The following CHRNA7 variants were observed in gnomAD, a reference collection of about 807,000 sequenced individuals.
CHRNA7 encodes neuronal acetylcholine receptor subunit alpha-7.
A neutral mutation model predicts 48.0 loss-of-function variants in CHRNA7; 17 were observed. The observed-to-expected ratio is 0.35, with a 90% CI of 0.24 to 0.53. CHRNA7 has a LOEUF of 0.53. Ranked by LOEUF, CHRNA7 falls within the 20% of genes least tolerant of loss-of-function variation. The probability of loss-of-function intolerance (pLI) is 0.92; values close to 1 mark genes in which losing one functional copy is unlikely to be tolerated. For missense variants in CHRNA7, 155 were observed against 577.7 expected, an observed-to-expected ratio of 0.27 and a Z score of 7.50; for synonymous variants, 75 against 242.3, an observed-to-expected ratio of 0.31 and a Z score of 6.41.
intron 4 of CHRNA7, chr15:32,112,224 C>A (rs1025706044): frequency 1.4e-5 from 7 of 490,690 alleles, no homozygotes; most frequent in Non-Finnish European, 2.4e-5. Flanking sequence ...TACCTTTGTT[C>A]TCTGAATGGC....
At chr15:32,126,297 T>A (rs2051065420) in intron 4 of CHRNA7, among the ~76,000 whole-genome samples, 1 of 152,216 alleles carries the variant, frequency 6.6e-6, no homozygotes, top group African/African-American at 2.4e-5. Flanking sequence ...GTTTTGTCCC[T>A]ACCAGTGGGT....
chr15:32,046,007 T>C (rs1467549419), intron 2 of CHRNA7, among the ~76,000 whole-genome samples: 1 of 151,474 alleles, frequency 6.6e-6, no homozygotes, highest in Non-Finnish European at 1.5e-5. Flanking sequence ...CTCATCATTT[T>C]TTATGGCTGC....
chr15:32,108,464 C>G (rs1365053243), intron 3 of CHRNA7, among the ~76,000 whole-genome samples: 4 of 152,196 alleles, frequency 2.6e-5, no homozygotes, highest in Non-Finnish European at 4.4e-5. Flanking sequence ...CCCCCTGTTC[C>G]CGAGGGACCT....
intron 6 of CHRNA7, 124 bp from the exon 7 acceptor site, chr15:32,158,288 C>CTTT: frequency 3.4e-5 from 25 of 743,390 alleles, no homozygotes; most frequent in Non-Finnish European, 4.3e-5. Context: ...ACAACCCCCC[C>CTTT]CTTTTTTTTT....
chr15:32,053,464 C>A (rs1595390803), intron 2 of CHRNA7, among the ~76,000 whole-genome samples: 1 of 152,116 alleles, frequency 6.6e-6, no homozygotes, highest in Admixed American at 6.5e-5. Flanking sequence ...CAGTGATTTC[C>A]TTATTCAGTT....
chr15:32,125,258 T>G (rs186011485), intron 4 of CHRNA7, among the ~76,000 whole-genome samples: 1 of 152,244 alleles, frequency 6.6e-6, no homozygotes, highest in Non-Finnish European at 1.5e-5. Context: ...CAGACCTCAT[T>G]TACACTCATG....
intron 4 of CHRNA7, 76 bp downstream of exon 4, chr15:32,111,975 C>T: frequency 1.1e-6 from 1 of 915,210 alleles, no homozygotes; most frequent in East Asian, 2.4e-5. Context: ...TTGAATATTT[C>T]ACAGAGATGC....
chr15:32,138,856 C>T (rs796075379), intron 4 of CHRNA7, among the ~76,000 whole-genome samples: 16 of 152,204 alleles, frequency 1.1e-4, no homozygotes, highest in African/African-American at 3.1e-4. Context: ...CGGGTTCAAG[C>T]GATTCTCCCA....
chr15:32,107,042 G>A (rs913698054), intron 3 of CHRNA7, among the ~76,000 whole-genome samples: 3 of 152,100 alleles, frequency 2.0e-5, no homozygotes, highest in African/African-American at 4.8e-5. Flanking sequence ...AGAAGAAAGC[G>A]TCAGGGTCAG....
chr15:32,162,004 A>G (rs1256499963), intron 8 of CHRNA7: 2 of 118,272 alleles, frequency 1.7e-5, no homozygotes, highest in Non-Finnish European at 1.7e-5. Context: ...AAACTCAGGG[A>G]AACATTTTAC....
intron 2 of CHRNA7, among the ~76,000 whole-genome samples, chr15:32,093,336 C>T (rs2050413102): frequency 6.6e-6 from 1 of 152,168 alleles, no homozygotes; most frequent in Admixed American, 6.5e-5. Context: ...ATAGGGGGCC[C>T]TTTCTCATAG....
chr15:32,051,847 T>G (rs2141189457), intron 2 of CHRNA7, among the ~76,000 whole-genome samples: 1 of 152,288 alleles, frequency 6.6e-6, no homozygotes, highest in Non-Finnish European at 1.5e-5. Flanking sequence ...TGGCTGATTT[T>G]TGTATTTTTA....
At chr15:32,144,166 C>T (rs2051439009) in intron 4 of CHRNA7, among the ~76,000 whole-genome samples, 1 of 152,080 alleles carries the variant, frequency 6.6e-6, no homozygotes, top group Admixed American at 6.6e-5. Context: ...TTTATTTCTC[C>T]TTCACTTATG....
At chr15:32,152,255 C>G (rs1173018589) in intron 4 of CHRNA7, among the ~76,000 whole-genome samples, 1 of 152,110 alleles carries the variant, frequency 6.6e-6, no homozygotes, top group Non-Finnish European at 1.5e-5. Flanking sequence ...CCAGCCTAAC[C>G]AACATGGTGA....
In CHRNA7 at chr15:32,104,342, T is replaced by A. The variant is rs568668776; in HGVS notation, c.240+2995T>A. On this transcript the variant is annotated intron_variant, in intron 3 of 9. Transcript: ENST00000306901. The stretch of plus-strand genomic sequence containing the variant: ...AGACTCGTCCCTAAGAACCACTTGA[T>A]TTCCCCCTTACTTCTCACTGATCTC... 1.5e-3 allele frequency among the ~76,000 whole-genome samples: 225 copies of A among 152,198 alleles called. 1 individual carries two copies. Among genetic ancestry groups the A allele is most frequent in the Middle Eastern group, 3.4e-3 (1 of 294 alleles).
intron 2 of CHRNA7, among the ~76,000 whole-genome samples, chr15:32,093,255 C>T (rs2050411712): frequency 6.6e-6 from 1 of 152,212 alleles, no homozygotes; most frequent in South Asian, 2.1e-4. Flanking sequence ...TCGATTCCTT[C>T]TCTGTTAGGG....
chr15:32,074,712 T>C (rs1244716247), intron 2 of CHRNA7, among the ~76,000 whole-genome samples: 2 of 151,678 alleles, frequency 1.3e-5, no homozygotes, highest in South Asian at 2.1e-4. Context: ...TGGAGTGCAG[T>C]GGCATGATCT....
chr15:32,141,170 A>G (rs1172507059), intron 4 of CHRNA7, among the ~76,000 whole-genome samples: 1 of 152,230 alleles, frequency 6.6e-6, no homozygotes, highest in African/African-American at 2.4e-5. Context: ...ACTATTTATT[A>G]AACAGGAAAT....
At chr15:32,153,259 A>C (rs1481999527) in intron 4 of CHRNA7, 1 of 151,856 alleles carries the variant, frequency 6.6e-6, no homozygotes, top group Admixed American at 6.6e-5. Flanking sequence ...GTCTCTACTA[A>C]AAATACAAAA....
Sources: allele counts gnomAD v4.1 joint callset (sites outside exome capture counted in the v4.1 genomes callset), GRCh38; gene constraint gnomAD v4.1.1; transcripts MANE v1.5; gene names NCBI Gene and HGNC (gene_info 2026-07-23, HGNC 2026-07-21).